C10orf71: variants seen among roughly 807,000 people sequenced by gnomAD.
C10orf71 encodes the protein chromosome 10 open reading frame 71, also known as cardiac-enriched FHL2-interacting protein.
For missense variants in C10orf71, 1,869 were observed against 1,804.5 expected (o/e 1.04, Z -0.65); for synonymous variants, 758 against 726.3 (o/e 1.04, Z -0.70).
Position 49,326,423 on chromosome 10 carries a change from A to T in C10orf71, c.3878A>T (p.Gln1293Leu). 6.4e-7 allele frequency: 1 copy of T among 1,550,426 alleles called. No homozygotes were observed. The change falls in exon 3 of 3, where the codon CAG becomes CTG. Residue 1293 changes from glutamine to leucine, a missense_variant. Coordinates refer to ENST00000374144, the MANE Select transcript of C10orf71 (RefSeq NM_001135196.2). ...GEYFVFDLPL[Q>L]VKIKTFYDPE... ...TACTTTGTCTTCGACTTGCCACTCC[A>T]GGTGAAAATCAAGACCTTCTATGAC...
intron 1 of C10orf71, among the ~76,000 whole-genome samples, chr10:49,310,994 T>C (rs571702381): frequency 1.7e-4 from 26 of 152,242 alleles, no homozygotes; most frequent in Admixed American, 6.5e-4. Flanking sequence ...TTTAATTTGC[T>C]CAATCTAGCA....
At chr10:49,298,836 G>C (rs1029789612), upstream of C10orf71, 1 of 152,182 alleles carries the variant, frequency 6.6e-6, no homozygotes. Context: ...CGGTCGTCCA[G>C]AGCCGATGAT....
intron 2 of C10orf71, among the ~76,000 whole-genome samples, chr10:49,319,205 A>C (rs1264536624): frequency 6.6e-6 from 1 of 152,158 alleles, no homozygotes; most frequent in Non-Finnish European, 1.5e-5. Context: ...CCCCCAGGCC[A>C]GGCAATGTTC....
At position 49,322,976 on chromosome 10, in the gene C10orf71, C is replaced by G; in HGVS notation, c.431C>G (p.Ser144Ter). 1.9e-6 allele frequency: 3 copies of G among 1,614,002 alleles called. No homozygotes were observed. The highest frequency in any genetic ancestry group is 1.7e-6 in the Non-Finnish European group (2 of 1,179,896). ...RSSNKPVSKV[S>*]TLIKSFDRTE... is the part of the protein sequence containing the mutation. ...AGCAATAAGCCTGTCTCCAAAGTAT[C>G]AACACTAATTAAATCTTTCGACAGG... is the stretch of plus-strand genomic sequence containing the variant. The change falls in exon 3 of 3, where the codon TCA becomes TGA. Residue 144 changes from serine to a stop codon, truncating the protein, a stop_gained. Coordinates refer to ENST00000374144, the MANE Select transcript of C10orf71 (RefSeq NM_001135196.2). LOFTEE classifies it low-confidence loss of function (END_TRUNC).
Position 49,323,466 on chromosome 10 carries a change from G to A in C10orf71, c.921G>A (p.Gly307=), listed in dbSNP as rs2132433219. 2.5e-6 allele frequency: 4 copies of A among 1,613,952 alleles called. No homozygotes were observed. The East Asian group carries it at 6.7e-5, about 27-fold the overall frequency. Residue 307 remains glycine, a synonymous_variant, in exon 3 of 3, where the codon GGG becomes GGA. Coordinates refer to ENST00000374144, the MANE Select transcript of C10orf71 (RefSeq NM_001135196.2). ...AAAGCAAAGCTCCCAAGCACTATGG[G>A]GACACGACCTTGCTAAGAGAACCCT... ...VPESKAPKHY[G]DTTLLREPCP...
In C10orf71 at chr10:49,325,092, A is replaced by C. The variant is rs192229234; in HGVS notation, c.2547A>C (p.Ser849=). 1,370 of 1,551,938 alleles carry C rather than the reference A, an allele frequency of 8.8e-4. 3 individuals carry two copies. The African/African-American group carries it at 0.01, about 12-fold the overall frequency. Residue 849 remains serine, a synonymous_variant, in exon 3 of 3, where the codon TCA becomes TCC. Coordinates refer to ENST00000374144, the MANE Select transcript of C10orf71 (RefSeq NM_001135196.2). Reference sequence around the variant, plus strand: ...TTACTCCCTCACCATCTTCTGCTTCAAACAGGCACATGCTGTTTACGATTA... The same window carrying C: ...TTACTCCCTCACCATCTTCTGCTTCCAACAGGCACATGCTGTTTACGATTA... ...KDLTPSPSSA[S]NRHMLFTIKD...
intron 1 of C10orf71, among the ~76,000 whole-genome samples, chr10:49,306,253 G>GAGT (rs1454689629): frequency 6.6e-6 from 1 of 152,250 alleles, no homozygotes; most frequent in Non-Finnish European, 1.5e-5. Flanking sequence ...AGCAGTGCCT[G>GAGT]CCACAGGGAC....
Position 49,325,559 on chromosome 10 carries a change from C to T in C10orf71, c.3014C>T (p.Ala1005Val). The T allele has an allele frequency of 6.4e-7, 1 of 1,550,708 alleles. No individual in the cohort carries two copies. Among genetic ancestry groups the T allele is most frequent in the Non-Finnish European group, 8.7e-7 (1 of 1,146,130 alleles). The change falls in exon 3 of 3, where the codon GCT (alanine) becomes GTT (valine). Residue 1005 changes from alanine (A) to valine (V), a missense_variant. By Grantham distance (64) the Ala-to-Val change is moderately conservative. Coordinates refer to ENST00000374144, the MANE Select transcript of C10orf71 (RefSeq NM_001135196.2). ...LAAPWHIPTIALPEGDIEDQP... is the reference protein window; with the variant it reads ...LAAPWHIPTIVLPEGDIEDQP... ...GCCCCATGGCACATCCCCACCATTG[C>T]TTTACCCGAGGGTGACATAGAAGAC...
chr10:49,297,107 C>T (rs1224094065), upstream of C10orf71, among the ~76,000 whole-genome samples: 2 of 152,178 alleles, frequency 1.3e-5, no homozygotes, highest in East Asian at 3.8e-4. Flanking sequence ...TTTCTAGGAT[C>T]CTAAACAAGA....
Position 49,326,502 on chromosome 10 carries a change from C to A in C10orf71, c.3957C>A (p.Ser1319=). 1 of 1,550,522 alleles carries A rather than the reference C, an allele frequency of 6.4e-7. No homozygotes were observed. Among genetic ancestry groups the A allele is most frequent in the East Asian group, 2.4e-5 (1 of 40,910 alleles). Residue 1319 remains serine (S), a synonymous_variant, in exon 3 of 3, where the codon TCC becomes TCA. Transcript: ENST00000374144. The part of the protein sequence containing the change: ...KVSIPSSEGA[S]PEPPPPDALA... ...CCATCCCGTCCTCCGAGGGGGCCTC[C>A]CCAGAGCCGCCCCCACCGGACGCCC...
chr10:49,313,286 T>TA (rs1244716977), intron 1 of C10orf71, among the ~76,000 whole-genome samples: 2 of 151,556 alleles, frequency 1.3e-5, no homozygotes, highest in Non-Finnish European at 2.9e-5. Flanking sequence ...AGGATGGAAG[T>TA]AAAAAAGTCC....
rs937649951 is a variant in C10orf71 at position 49,325,764 on chromosome 10, C to T, written c.3219C>T (p.Ser1073=). 1.9e-6 allele frequency: 3 copies of T among 1,551,412 alleles called. No homozygotes were observed. Among genetic ancestry groups the T allele is most frequent in the Non-Finnish European group, 2.6e-6 (3 of 1,146,850 alleles). The change falls in exon 3 of 3, where the codon AGC becomes AGT. Residue 1073 remains serine (S), a synonymous_variant. Transcript: ENST00000374144. ...GESSACSPAA[S]NIWEESSQAP... ...GCAGTGCCTGCTCCCCTGCTGCCAG[C>T]AACATTTGGGAGGAGTCTTCCCAGG...
intron 1 of C10orf71, among the ~76,000 whole-genome samples, chr10:49,315,521 C>T (rs1249157497): frequency 6.6e-6 from 1 of 152,090 alleles, no homozygotes; most frequent in Non-Finnish European, 1.5e-5. Context: ...GGGAAAAGGG[C>T]CTTGAGTCAG....
chr10:49,319,722 A>G (rs866428771), intron 2 of C10orf71, among the ~76,000 whole-genome samples: 1 of 36,750 alleles, frequency 2.7e-5, no homozygotes, highest in Non-Finnish European at 7.7e-5. Flanking sequence ...ATATATATAT[A>G]TATATATATA....
chr10:49,324,719 A>G lies in C10orf71; in HGVS notation c.2174A>G (p.Lys725Arg), dbSNP rs1323699015. 5 of 1,590,446 alleles carry G rather than the reference A, an allele frequency of 3.1e-6. No homozygotes were observed. The South Asian group carries it at 5.7e-5, about 18-fold the overall frequency. The change falls in exon 3 of 3, where the codon AAG (lysine) becomes AGG (arginine). Residue 725 changes from lysine to arginine, a missense_variant. Physicochemically the swap from Lys to Arg is conservative, Grantham distance 26. Transcript: ENST00000374144. Reference sequence around the variant, plus strand: ...GATTTTATGCCAAGCCTCAAAGGTAAGGCCAAATTCAGCACCAGCTCTTCA... The same window carrying G: ...GATTTTATGCCAAGCCTCAAAGGTAGGGCCAAATTCAGCACCAGCTCTTCA... ...QSDFMPSLKGKAKFSTSSSDQ... is the reference protein window; with the variant it reads ...QSDFMPSLKGRAKFSTSSSDQ...
At chr10:49,297,425 G>T (rs1197672105), upstream of C10orf71, among the ~76,000 whole-genome samples, 2 of 152,084 alleles carry the variant, frequency 1.3e-5, no homozygotes, top group African/African-American at 4.8e-5. Flanking sequence ...AAGTATTGTT[G>T]TTTTCCATAA....
At chr10:49,318,535 C>T (rs1284134828) in intron 2 of C10orf71, among the ~76,000 whole-genome samples, 1 of 152,218 alleles carries the variant, frequency 6.6e-6, no homozygotes, top group Non-Finnish European at 1.5e-5. Context: ...TCATTCAGTC[C>T]ACTAGAACTC....
At chr10:49,305,147 T>G (rs189074243) in intron 1 of C10orf71, among the ~76,000 whole-genome samples, 8 of 152,178 alleles carry the variant, frequency 5.3e-5, no homozygotes, top group Non-Finnish European at 1.2e-4. Flanking sequence ...GGACATCTTA[T>G]GGCCATAGGT....
chr10:49,318,368 G>A (rs762158275), intron 2 of C10orf71, among the ~76,000 whole-genome samples: 12 of 152,210 alleles, frequency 7.9e-5, no homozygotes, highest in Admixed American at 3.9e-4. Context: ...AACCCATCAC[G>A]TGGGCTGATG....
Sources: gnomAD v4.1 joint callset for allele counts (sites outside exome capture counted in the v4.1 genomes callset) on GRCh38, gnomAD v4.1.1 for gene constraint, MANE v1.5 for transcripts, NCBI Gene and HGNC (gene_info 2026-07-23, HGNC 2026-07-21) for gene names.